The following DECR2 variants were observed in gnomAD, a reference collection of about 807,000 sequenced individuals.
DECR2 encodes the protein 2,4-dienoyl-CoA reductase 2.
DECR2 carries 34 observed loss-of-function variants against 29.2 expected under a neutral mutation model. The observed-to-expected ratio is 1.16, with a 90% CI of 0.89 to 1.55. DECR2 has a LOEUF of 1.55. Ranked by LOEUF, DECR2 falls within the 40% of genes most tolerant of loss-of-function variation. The pLI is 0.00. For missense variants in DECR2, 485 were observed against 425.3 expected (o/e 1.14, Z -1.23); for synonymous variants, 224 against 182.7 (o/e 1.23, Z -1.82).
At chr16:411,745 G>GA in intron 8 of DECR2, 145 bp from the exon 9 acceptor site, 1 of 680,222 alleles carries the variant, frequency 1.5e-6, no homozygotes, top group South Asian at 2.1e-5. Flanking sequence ...GGGCTGAGCA[G>GA]GAGGCGGGCG....
At chr16:404,672 C>G (rs1047004304) in intron 1 of DECR2, among the ~76,000 whole-genome samples, 14 of 151,776 alleles carry the variant, frequency 9.2e-5, no homozygotes, top group African/African-American at 3.2e-4. Flanking sequence ...CTCTTTTGCC[C>G]AGGCTGGAGT....
chr16:406,562 A>G (rs969635136), intron 3 of DECR2, 165 bp downstream of exon 3: 2 of 699,048 alleles, frequency 2.9e-6, no homozygotes, highest in Non-Finnish European at 2.4e-6. Flanking sequence ...TGGTGGTGCG[A>G]TCTCGGCTCA....
rs937877946 is a variant in DECR2, at chr16:403,122, C to A, written c.80+1079C>A. ...GAAGCAATTCTCCTGCCTCAGCCTC[C>A]CAATTCTCCTGCTTCAGCCTCAGTG... On this transcript the variant is annotated intron_variant, in intron 1 of 8. Coordinates refer to ENST00000219481, the MANE Select transcript of DECR2 (RefSeq NM_020664.4). The A allele has an allele frequency of 6.8e-6, 5 of 735,120 alleles. No homozygotes were observed. In the African/African-American group the frequency reaches 7.7e-5, roughly 11 times the overall value. The allele number at this position is 735,120 out of a possible 1,614,324, so 45.5% of individuals were successfully genotyped here. A position where few individuals can be genotyped will look rare whatever the true frequency, so the allele number is the denominator to read the frequency against.
intron 1 of DECR2, among the ~76,000 whole-genome samples, chr16:404,204 A>T (rs1240016596): frequency 7.0e-6 from 1 of 143,096 alleles, no homozygotes; most frequent in African/African-American, 3.0e-5. Flanking sequence ...AATAAATTAA[A>T]TAAAATACTA....
Position 412,199 on chromosome 16 carries a change from G to A in DECR2, c.*310G>A, listed in dbSNP as rs967337612. ...TGGTCAAGGGTGTCCTGCCTGCCTGGGTCCAGGGCCTGAGGGAGCCACATG... is the reference window on the plus strand; with the variant it reads ...TGGTCAAGGGTGTCCTGCCTGCCTGAGTCCAGGGCCTGAGGGAGCCACATG... On this transcript the variant is annotated 3_prime_UTR_variant, in exon 9 of 9. Transcript: ENST00000219481. 1 of 152,596 alleles carries A rather than the reference G, an allele frequency of 6.6e-6. No homozygotes were observed. The highest frequency in any genetic ancestry group is 1.5e-5 in the Non-Finnish European group (1 of 68,356). The allele number at this position is 152,596 out of a possible 1,614,324, so 9.5% of individuals were successfully genotyped here.
At chr16:407,154 G>A in intron 3 of DECR2, 1 of 1,264,936 alleles carries the variant, frequency 7.9e-7, no homozygotes, top group Non-Finnish European at 1.0e-6. Flanking sequence ...CTGGTCTGCA[G>A]CAGGGGCAGG....
intron 4 of DECR2, among the ~76,000 whole-genome samples, chr16:408,212 C>CGT (rs1567340983): frequency 4.4e-5 from 2 of 45,024 alleles, no homozygotes; most frequent in African/African-American, 3.0e-4. Context: ...TCTCCGGCCC[C>CGT]CTGTCTCCGG....
Position 411,278 on chromosome 16 carries a change from G to A in DECR2, c.662-83G>A, listed in dbSNP as rs374163316. On this transcript the variant is annotated intron_variant, in intron 7 of 8. Transcript: ENST00000219481. ...GACTGTGTCCTTGCTGTTCCCAGATGCCTCTCAGGGAATGAGCTGGGGGAG... is the reference window on the plus strand; with the variant it reads ...GACTGTGTCCTTGCTGTTCCCAGATACCTCTCAGGGAATGAGCTGGGGGAG... The A allele has an allele frequency of 3.1e-5, 42 of 1,376,902 alleles. No individual in the cohort carries two copies. The African/African-American group carries it at 5.4e-4, about 18-fold the overall frequency. 85.3% of individuals were successfully genotyped at this position (1,376,902 alleles called of 1,614,324 possible).
At chr16:407,796 G>GCCTCTGTCTCCGGGCCTCTGTCTCCGGGC (rs140190693) in intron 4 of DECR2, among the ~76,000 whole-genome samples, 3 of 81,786 alleles carry the variant, frequency 3.7e-5, no homozygotes, top group African/African-American at 1.0e-4. Flanking sequence ...CTGTCTCCGG[G>GCCTCTGTCTCCGGGCCTCTGTCTCCGGGC]CTCTGTCTCC....
chr16:407,841 G>A lies in DECR2; in HGVS notation c.337+281G>A, dbSNP rs374284239. On this transcript the variant is annotated intron_variant, in intron 4 of 8. Transcript: ENST00000219481. ...TCTTCGGCCGCATCTCCGGCCCCCTGTCTCTGGGCCTCTGTCTCCGGGCGT... is the reference window on the plus strand; with the variant it reads ...TCTTCGGCCGCATCTCCGGCCCCCTATCTCTGGGCCTCTGTCTCCGGGCGT... Among the ~76,000 whole-genome samples the A allele has an allele frequency of 5.7e-5, 8 of 139,776 alleles. No individual in the cohort carries two copies. In the East Asian group the frequency reaches 1.5e-3, roughly 27 times the overall value. 91.7% of individuals were successfully genotyped at this position (139,776 alleles called of 152,430 possible).
In DECR2 at chr16:410,302, G is replaced by T. The variant is rs576518923; in HGVS notation, c.397G>T (p.Val133Leu). ...GALSFNAFKT[V>L]MDIDTSGTFN... ...CTTGTCCTTCAACGCCTTCAAGACCGTGATGGACATCGATACCAGCGGCAC... is the reference window on the plus strand; with the variant it reads ...CTTGTCCTTCAACGCCTTCAAGACCTTGATGGACATCGATACCAGCGGCAC... The change falls in exon 5 of 9, where the codon GTG becomes TTG. Residue 133 changes from valine to leucine, a missense_variant. By Grantham distance (32) the Val-to-Leu change is conservative. Coordinates refer to ENST00000219481, the MANE Select transcript of DECR2 (RefSeq NM_020664.4). This position sits in a 1 kb window ranked among gnomAD's most constrained non-coding sequence, Gnocchi z 4.1. The T allele has an allele frequency of 1.2e-6, 2 of 1,613,716 alleles. No individual in the cohort carries two copies. The highest frequency in any genetic ancestry group is 2.2e-5 in the East Asian group (1 of 44,874).
intron 3 of DECR2, chr16:406,932 TC>T: frequency 9.7e-7 from 1 of 1,030,022 alleles, no homozygotes; most frequent in Non-Finnish European, 1.2e-6. Context: ...CTTGCACCTA[TC>T]CTAAATATGG....
rs1009612376 is a variant in DECR2 at position 402,950 on chromosome 16, A to G, written c.80+907A>G. ...CAGTGAGCCGAGATCGCACCATTGCACTGGGCAACAAGAGTGAAACTCCAT... is the reference window on the plus strand; with the variant it reads ...CAGTGAGCCGAGATCGCACCATTGCGCTGGGCAACAAGAGTGAAACTCCAT... On this transcript the variant is annotated intron_variant, in intron 1 of 8. Transcript: ENST00000219481. 1.1e-5 allele frequency: 9 copies of G among 824,956 alleles called. No individual in the cohort carries two copies. In the African/African-American group the frequency reaches 1.5e-4, roughly 14 times the overall value. 51.1% of individuals were successfully genotyped at this position (824,956 alleles called of 1,614,324 possible).
intron 8 of DECR2, 104 bp from the exon 9 acceptor site, chr16:411,786 G>A (rs1231948915): frequency 2.3e-5 from 12 of 526,674 alleles, no homozygotes; most frequent in African/African-American, 1.4e-4. Flanking sequence ...TAGCGGCCTC[G>A]GCCTCTGCCG....
chr16:403,115 C>G, intron 1 of DECR2: 1 of 798,062 alleles, frequency 1.3e-6, no homozygotes. Flanking sequence ...TCTCCTGCCT[C>G]AGCCTCCCAA....
At chr16:406,309 G>GC in intron 2 of DECR2, 37 bp from the exon 3 acceptor site, 1 of 1,599,444 alleles carries the variant, frequency 6.3e-7, no homozygotes, top group South Asian at 1.1e-5. Flanking sequence ...AGTGCCCCTC[G>GC]CCCACACTGC....
chr16:405,138 C>A, intron 2 of DECR2, 114 bp downstream of exon 2: 1 of 1,300,682 alleles, frequency 7.7e-7, no homozygotes, highest in Non-Finnish European at 1.1e-6. Flanking sequence ...TGCTCACCTA[C>A]CCGACAGGAT....
chr16:408,867 T>C (rs1229460231), intron 4 of DECR2, among the ~76,000 whole-genome samples: 1 of 151,644 alleles, frequency 6.6e-6, no homozygotes, highest in Non-Finnish European at 1.5e-5. Flanking sequence ...GTTTCGCTCT[T>C]GTTGCCCAGG....
Position 410,367 on chromosome 16 carries a change from G to A in DECR2, c.462G>A (p.Arg154=), listed in dbSNP as rs2054796546. 6.3e-7 allele frequency: 1 copy of A among 1,596,368 alleles called. No individual in the cohort carries two copies. Among genetic ancestry groups the A allele is most frequent in the Non-Finnish European group, 8.5e-7 (1 of 1,172,290 alleles). ...GTGTGCTCTATGAGAAGTTCTTCCG[G>A]GTGGGTGCCTCGTGCGCTCTGTGAG... ...VSRVLYEKFF[R]DHGGVIVNIT... The change falls in exon 5 of 9, where the codon CGG becomes CGA. Residue 154 remains arginine, a splice_region_variant and synonymous_variant. Coordinates refer to ENST00000219481, the MANE Select transcript of DECR2 (RefSeq NM_020664.4). The surrounding 1 kb of genome is among the most constrained non-coding windows in gnomAD (Gnocchi z 4.1).
Sources: gnomAD v4.1 joint callset for allele counts (sites outside exome capture counted in the v4.1 genomes callset) on GRCh38, gnomAD v4.1.1 for gene constraint, Gnocchi (gnomAD v3.1) non-coding constraint, MANE v1.5 for transcripts, NCBI Gene and HGNC (gene_info 2026-07-23, HGNC 2026-07-21) for gene names.